EXOSC10: variants seen among roughly 807,000 people sequenced by gnomAD.
EXOSC10 encodes exosome complex component 10.
EXOSC10 carries 94 observed loss-of-function variants against 126.6 expected under a neutral mutation model. The observed-to-expected ratio is 0.74, with a 90% confidence interval of 0.63 to 0.88. EXOSC10 has a LOEUF of 0.88. Ranked by LOEUF, EXOSC10 falls within the 40% of genes least tolerant of loss-of-function variation. The pLI, the probability that EXOSC10 is intolerant of heterozygous loss-of-function variation, is 0.00. For missense variants in EXOSC10, 1,041 were observed against 1,100.5 expected, an observed-to-expected ratio of 0.95 and a Z score of 0.77; for synonymous variants, 395 against 400.8, an observed-to-expected ratio of 0.99 and a Z score of 0.17.
intron 6 of EXOSC10, among the ~76,000 whole-genome samples, chr1:11,090,242 C>A (rs1640726834): frequency 6.6e-6 from 1 of 152,194 alleles, no homozygotes; most frequent in Non-Finnish European, 1.5e-5. Flanking sequence ...AGGTGATCCA[C>A]CGGTCTCAGC....
chr1:11,088,697 C>T (rs1473615893), intron 6 of EXOSC10, among the ~76,000 whole-genome samples: 1 of 152,194 alleles, frequency 6.6e-6, no homozygotes, highest in Non-Finnish European at 1.5e-5. Context: ...CCTTTCATGG[C>T]CTTTGTTTCT....
chr1:11,080,800 C>T lies in EXOSC10; in HGVS notation c.1550G>A (p.Arg517Lys), dbSNP rs760644745. The T allele has an allele frequency of 6.2e-7, 1 of 1,614,152 alleles. No homozygotes were observed. The highest frequency in any genetic ancestry group is 8.5e-7 in the Non-Finnish European group (1 of 1,180,022). The change falls in exon 12 of 25, where the codon AGG (arginine) becomes AAG (lysine). Residue 517 changes from arginine (R) to lysine (K), a missense_variant. This residue lies in a region of EXOSC10 where 645 missense variants were observed against 656.3 expected (regional missense o/e 0.98). Transcript: ENST00000376936. Reference sequence around the variant, plus strand: ...ATCTTCCCTGCGAGCTGTTTTATCCCTCCAGGCAAACAGCAGCTGAAAGGC... The same window carrying T: ...ATCTTCCCTGCGAGCTGTTTTATCCTTCCAGGCAAACAGCAGCTGAAAGGC... ...LTAFQLLFAWRDKTARREDES... is the reference protein window; with the variant it reads ...LTAFQLLFAWKDKTARREDES...
chr1:11,068,909 C>A (rs917009686), intron 22 of EXOSC10: 14 of 595,970 alleles, frequency 2.3e-5, no homozygotes, highest in Non-Finnish European at 3.9e-5. Flanking sequence ...GAAAACCAGG[C>A]CCATTTCTCT....
Position 11,069,666 on chromosome 1 carries a change from T to A in EXOSC10, c.2381A>T (p.Gln794Leu). 1 of 1,614,192 alleles carries A rather than the reference T, an allele frequency of 6.2e-7. No individual in the cohort carries two copies. The highest frequency in any genetic ancestry group is 8.5e-7 in the Non-Finnish European group (1 of 1,180,018). The part of the protein sequence containing the change: ...TSDPRTTEQK[Q>L]EKKRLKISKK... ...GGAAATTTTGAGTCGTTTCTTCTCT[T>A]GTTTCTGTTCTGTGGTCCTTGGGTC... is the stretch of plus-strand genomic sequence containing the variant. The change falls in exon 22 of 25, where the codon CAA becomes CTA. Residue 794 changes from glutamine to leucine, a missense_variant. Coordinates refer to ENST00000376936, the MANE Select transcript of EXOSC10 (RefSeq NM_001001998.3).
chr1:11,080,562 A>AC lies in EXOSC10; in HGVS notation c.1587-14_1587-13insG, dbSNP rs747045742. 1,641 of 1,476,922 alleles carry AC rather than the reference A, an allele frequency of 1.1e-3. 3 individuals are homozygous for AC. The African/African-American group carries it at 0.015, about 13-fold the overall frequency. 91.5% of individuals were successfully genotyped at this position (1,476,922 alleles called of 1,614,324 possible). On this transcript the variant is annotated splice_polypyrimidine_tract_variant and intron_variant, in intron 12 of 24. Transcript: ENST00000376936. Reference sequence around the variant, plus strand: ...TGGCAGTACATATCTGGAAAAAAAAAAACACACACACACACACACACACAC... The same window carrying AC: ...TGGCAGTACATATCTGGAAAAAAAAACAACACACACACACACACACACACAC...
chr1:11,075,666 C>A (rs1190382205), intron 17 of EXOSC10, among the ~76,000 whole-genome samples: 1 of 152,056 alleles, frequency 6.6e-6, no homozygotes, highest in Non-Finnish European at 1.5e-5. Context: ...GCCTGGGCGA[C>A]ATGGTGAAAC....
chr1:11,093,024 T>C (rs968631255), intron 3 of EXOSC10, among the ~76,000 whole-genome samples: 4 of 152,206 alleles, frequency 2.6e-5, no homozygotes, highest in Non-Finnish European at 5.9e-5. Context: ...ACTTATAATA[T>C]AGGTTTATTG....
intron 17 of EXOSC10, among the ~76,000 whole-genome samples, chr1:11,075,860 A>C (rs1249912022): frequency 3.5e-5 from 5 of 142,150 alleles, no homozygotes; most frequent in African/African-American, 1.1e-4. Flanking sequence ...TCACAAAAAA[A>C]AAAAAAAAAA....
rs778262512 is a variant in EXOSC10, at chr1:11,068,686, A to G, written c.2509T>C (p.Ser837Pro). 1.2e-6 allele frequency: 2 copies of G among 1,614,152 alleles called. No homozygotes were observed. The highest frequency in any genetic ancestry group is 1.7e-6 in the Non-Finnish European group (2 of 1,180,008). Residue 837 changes from serine to proline, a missense_variant, in exon 23 of 25, where the codon TCT becomes CCT. Physicochemically the swap from Ser to Pro is moderately conservative, Grantham distance 74 (BLOSUM62 -1). Coordinates refer to ENST00000376936, the MANE Select transcript of EXOSC10 (RefSeq NM_001001998.3). ...TGTTTATTTGGATCAAACTGAGAAG[A>G]AACTTTGGATTTGCTGTTTCCTGAA... ...AFAGNSKSKV[S>P]SQFDPNKQTP...
chr1:11,072,002 G>C lies in EXOSC10; in HGVS notation c.2242+85C>G, dbSNP rs569863330. ...AAGCCCCACAGGGGCTTCATTCATC[G>C]CCGTATCTGGCACTTGGCTGAAACA... is the stretch of plus-strand genomic sequence containing the variant. On this transcript the variant is annotated intron_variant, in intron 20 of 24. Coordinates refer to ENST00000376936, the MANE Select transcript of EXOSC10 (RefSeq NM_001001998.3). 8.2e-6 allele frequency: 9 copies of C among 1,103,530 alleles called. No individual in the cohort carries two copies. The Admixed American group carries it at 1.0e-4, about 12-fold the overall frequency. The allele number at this position is 1,103,530 out of a possible 1,614,324, so 68.4% of individuals were successfully genotyped here. A position where few individuals can be genotyped will look rare whatever the true frequency, so the allele number is the denominator to read the frequency against.
At chr1:11,089,316 A>C (rs969842967) in intron 6 of EXOSC10, among the ~76,000 whole-genome samples, 1 of 151,554 alleles carries the variant, frequency 6.6e-6, no homozygotes, top group Non-Finnish European at 1.5e-5. Flanking sequence ...AGACAAATTT[A>C]AGAAAACATG....
chr1:11,088,210 A>C lies in EXOSC10; in HGVS notation c.759-12T>G. ...AAGGATGTGCAAACCTGAGTAAATA[A>C]AACAAAAAGAGAAATCATTCTGATT... On this transcript the variant is annotated splice_polypyrimidine_tract_variant and intron_variant, in intron 6 of 24. Coordinates refer to ENST00000376936, the MANE Select transcript of EXOSC10 (RefSeq NM_001001998.3). The C allele has an allele frequency of 6.3e-7, 1 of 1,586,962 alleles. No individual in the cohort carries two copies. Among genetic ancestry groups the C allele is most frequent in the Non-Finnish European group, 8.6e-7 (1 of 1,162,298 alleles).
At chr1:11,095,580 GGC>G in intron 3 of EXOSC10, 176 bp downstream of exon 3, 1 of 467,484 alleles carries the variant, frequency 2.1e-6, no homozygotes, top group Non-Finnish European at 3.9e-6. Context: ...CAGGTGTGGT[GGC>G]GGGCGCCTGT....
chr1:11,070,972 A>G lies in EXOSC10; in HGVS notation c.2244T>C (p.Ala748=), dbSNP rs1390686245. 4 of 1,613,724 alleles carry G rather than the reference A, an allele frequency of 2.5e-6. No homozygotes were observed. In the South Asian group the frequency reaches 4.4e-5, roughly 18 times the overall value. Residue 748 remains alanine, a splice_region_variant and synonymous_variant, in exon 21 of 25, where the codon GCT becomes GCC. Coordinates refer to ENST00000376936, the MANE Select transcript of EXOSC10 (RefSeq NM_001001998.3). ...ACGCCTCCTTTGCCTGTTCCCGGGCAGCTGCAAGGGAGAGAACTTGTCTCT... is the reference window on the plus strand; with the variant it reads ...ACGCCTCCTTTGCCTGTTCCCGGGCGGCTGCAAGGGAGAGAACTTGTCTCT... ...AVKKKAAEQT[A]AREQAKEACK...
intron 6 of EXOSC10, among the ~76,000 whole-genome samples, chr1:11,088,495 A>G (rs975952342): frequency 4.6e-5 from 7 of 152,250 alleles, no homozygotes; most frequent in Non-Finnish European, 1.5e-5. Context: ...GATGTTGTGG[A>G]TAATACCAAA....
chr1:11,074,348 G>A (rs944247726), intron 17 of EXOSC10, 22 bp from the exon 18 acceptor site: 22 of 1,503,508 alleles, frequency 1.5e-5, no homozygotes, highest in East Asian at 6.8e-5. Context: ...GACAAAAAAC[G>A]ATCACTAATG....
intron 10 of EXOSC10, among the ~76,000 whole-genome samples, chr1:11,082,278 AAAC>A (rs1184330445): frequency 3.3e-5 from 5 of 151,998 alleles, no homozygotes; most frequent in Admixed American, 1.3e-4. Context: ...GTGTAAAGCT[AAAC>A]AACAGTGTCC....
In EXOSC10 at chr1:11,093,472, T is replaced by G. The variant is rs543872683; in HGVS notation, c.373-1875A>C. The stretch of plus-strand genomic sequence containing the variant: ...ATATACCAGAAACTGCTGAAAGATT[T>G]GTAGGCATTTAGACTAGGGAAGAGA... On this transcript the variant is annotated intron_variant, in intron 3 of 24. Coordinates refer to ENST00000376936, the MANE Select transcript of EXOSC10 (RefSeq NM_001001998.3). Among the ~76,000 whole-genome samples the G allele has an allele frequency of 1.3e-4, 20 of 152,328 alleles. No individual in the cohort carries two copies. In the South Asian group the frequency reaches 4.1e-3, roughly 32 times the overall value.
At chr1:11,076,033 C>T (rs910672497) in intron 17 of EXOSC10, among the ~76,000 whole-genome samples, 4 of 151,484 alleles carry the variant, frequency 2.6e-5, no homozygotes, top group East Asian at 1.9e-4. Flanking sequence ...AGTATGGTGG[C>T]GGGCGCCTGC....
Sources: gnomAD v4.1 joint callset for allele counts (sites outside exome capture counted in the v4.1 genomes callset) on GRCh38, gnomAD v4.1.1 for gene constraint, gnomAD v4.1.1 regional missense constraint, MANE v1.5 for transcripts, NCBI Gene and HGNC (gene_info 2026-07-23, HGNC 2026-07-21) for gene names.